The following TENM3 variants were observed in gnomAD, a reference collection of about 807,000 sequenced individuals.
TENM3 encodes the protein teneurin transmembrane protein 3.
Under a neutral mutation model 255.1 loss-of-function variants are expected in TENM3, and 63 were observed. The ratio of observed to expected loss-of-function variants is 0.25; its 90% CI spans 0.20 to 0.30. TENM3 has a LOEUF of 0.30. Among genes scored for constraint, TENM3 ranks in the 10% least tolerant of loss-of-function variants. The pLI, the probability that TENM3 is intolerant of heterozygous loss-of-function variation, is 1.00. For synonymous variants in TENM3, 1,306 were observed against 1,322.3 expected (o/e 0.99, Z 0.27); for missense variants, 2,929 against 3,461.1 (o/e 0.85, Z 3.86).
chr4:182,797,049 C>A lies in TENM3; in HGVS notation c.7344+282C>A, dbSNP rs61256492. On this transcript the variant is annotated intron_variant, in intron 27 of 27. Transcript: ENST00000511685. ...AAAAAGAACCCCAAGAAAGCGTGGA[C>A]CTGAAGGCAAAAATACAATAAACAA... Among the ~76,000 whole-genome samples the A allele has an allele frequency of 0.028, 4,261 of 152,158 alleles. 189 individuals carry two copies. The highest frequency in any genetic ancestry group is 0.095 in the African/African-American group (3,926 of 41,476).
chr4:182,644,316 C>A (rs1254645449), intron 5 of TENM3, among the ~76,000 whole-genome samples: 1 of 152,144 alleles, frequency 6.6e-6, no homozygotes, highest in African/African-American at 2.4e-5. Context: ...TCCCCAGAGA[C>A]GAGATCAAAA....
At chr4:182,744,064 A>AT (rs1579316618) in intron 19 of TENM3, 3 of 801,316 alleles carry the variant, frequency 3.7e-6, no homozygotes, top group Admixed American at 1.8e-4. Context: ...AACTCATTAT[A>AT]TTTTAGAAGG....
chr4:182,693,175 G>T (rs1370545825), intron 12 of TENM3, among the ~76,000 whole-genome samples: 4 of 152,098 alleles, frequency 2.6e-5, no homozygotes, highest in East Asian at 3.9e-4. Flanking sequence ...TCATTTATGT[G>T]TCCAGTAAGC....
intron 11 of TENM3, among the ~76,000 whole-genome samples, chr4:182,686,872 G>T (rs1756617573): frequency 6.6e-6 from 1 of 152,124 alleles, no homozygotes; most frequent in Admixed American, 6.5e-5. Flanking sequence ...ATGTTGCTCT[G>T]AAGTTAATCA....
the TENM3 span, among the ~76,000 whole-genome samples, chr4:181,742,151 T>C: frequency 6.6e-6 from 1 of 151,996 alleles, no homozygotes; most frequent in African/African-American, 2.4e-5. Context: ...TGTAGATTTA[T>C]TTAAAACATT....
At chr4:182,036,485 C>T in the TENM3 span, among the ~76,000 whole-genome samples, 1 of 150,364 alleles carries the variant, frequency 6.7e-6, no homozygotes, top group East Asian at 1.9e-4. Context: ...ACCACCGCAC[C>T]CGGCCGATAA....
chr4:181,610,324 ATGAC>A, the TENM3 span, among the ~76,000 whole-genome samples: 1 of 152,192 alleles, frequency 6.6e-6, no homozygotes, highest in South Asian at 2.1e-4. Context: ...CGTGTATAAG[ATGAC>A]TGTTGCTATT....
At position 182,688,308 on chromosome 4, in the gene TENM3, G is replaced by A. The variant is rs1696654412; in HGVS notation, c.2178G>A (p.Lys726=). 5 of 1,613,780 alleles carry A rather than the reference G, an allele frequency of 3.1e-6. No homozygotes were observed. The highest frequency in any genetic ancestry group is 4.2e-6 in the Non-Finnish European group (5 of 1,179,826). ...CAEHGTCKDG[K]CECSQGWNGE... ...AGCACGGGACCTGCAAGGATGGCAAGTGTGAATGCAGCCAGGGCTGGAATG... is the reference window on the plus strand; with the variant it reads ...AGCACGGGACCTGCAAGGATGGCAAATGTGAATGCAGCCAGGGCTGGAATG... The change falls in exon 12 of 28, where the codon AAG becomes AAA. Residue 726 remains lysine, a synonymous_variant. Transcript: ENST00000511685.
chr4:182,333,528 A>C (rs1763914078), intron 2 of TENM3, among the ~76,000 whole-genome samples: 1 of 152,180 alleles, frequency 6.6e-6, no homozygotes, highest in Non-Finnish European at 1.5e-5. Flanking sequence ...AAAAATTTAG[A>C]AAGGATTCTT....
intron 3 of TENM3, among the ~76,000 whole-genome samples, chr4:182,507,318 T>C (rs192204089): frequency 1.3e-5 from 2 of 152,316 alleles, no homozygotes; most frequent in East Asian, 3.9e-4. Context: ...CTCTGAGAAT[T>C]TACCAGCTTT....
At chr4:181,933,776 T>C in the TENM3 span, among the ~76,000 whole-genome samples, 1 of 152,174 alleles carries the variant, frequency 6.6e-6, no homozygotes, top group Non-Finnish European at 1.5e-5. Context: ...AATTTAATTC[T>C]AGCCCAAACC....
the TENM3 span, among the ~76,000 whole-genome samples, chr4:181,804,740 T>C: frequency 6.6e-6 from 1 of 152,122 alleles, no homozygotes; most frequent in African/African-American, 2.4e-5. Context: ...CCTGGTGTGG[T>C]GGCAGGCACC....
At chr4:182,264,273 C>A (rs1338691242) in intron 1 of TENM3, among the ~76,000 whole-genome samples, 3 of 152,196 alleles carry the variant, frequency 2.0e-5, no homozygotes, top group African/African-American at 7.2e-5. Flanking sequence ...CCTGCAAGCC[C>A]GCTTTTCAAG....
chr4:181,625,302 C>T, the TENM3 span, among the ~76,000 whole-genome samples: 1 of 152,290 alleles, frequency 6.6e-6, no homozygotes, highest in Admixed American at 6.5e-5. Flanking sequence ...CCAGAGATTT[C>T]TCAACAGGTT....
At chr4:181,563,703 C>T in the TENM3 span, among the ~76,000 whole-genome samples, 1 of 152,162 alleles carries the variant, frequency 6.6e-6, no homozygotes, top group African/African-American at 2.4e-5. Flanking sequence ...AACCAATTTT[C>T]CACTGTCATT....
the TENM3 span, among the ~76,000 whole-genome samples, chr4:181,619,549 G>T: frequency 2.0e-5 from 3 of 151,912 alleles, no homozygotes; most frequent in Non-Finnish European, 4.4e-5. Flanking sequence ...AGCCTCCTGT[G>T]TAGCTGGGAC....
chr4:181,553,236 G>T, the TENM3 span, among the ~76,000 whole-genome samples: 1 of 150,300 alleles, frequency 6.7e-6, no homozygotes, highest in Non-Finnish European at 1.5e-5. Flanking sequence ...TACCTGGCAA[G>T]TCAGGTCGCT....
chr4:181,526,380 C>A, the TENM3 span, among the ~76,000 whole-genome samples: 1 of 152,040 alleles, frequency 6.6e-6, no homozygotes, highest in African/African-American at 2.4e-5. Flanking sequence ...ATTTGACAAG[C>A]AAAGCAGTGT....
chr4:181,710,065 T>G, the TENM3 span, among the ~76,000 whole-genome samples: 1 of 152,034 alleles, frequency 6.6e-6, no homozygotes, highest in East Asian at 1.9e-4. Context: ...ACAGTTAAGC[T>G]CGGGGACATG....
Sources: allele counts gnomAD v4.1 joint callset (sites outside exome capture counted in the v4.1 genomes callset), GRCh38; gene constraint gnomAD v4.1.1; transcripts MANE v1.5; gene names NCBI Gene and HGNC (gene_info 2026-07-23, HGNC 2026-07-21).